Variants in CHD5 observed in about 807,000 individuals in gnomAD.
CHD5 encodes chromodomain helicase DNA binding protein 5, also known as ATP-dependent chromatin remodeler CHD5.
In CHD5, 69 loss-of-function variants were observed where a neutral mutation model predicts 230.3. The ratio of observed to expected loss-of-function variants is 0.30; its 90% CI spans 0.25 to 0.37. CHD5 has a LOEUF of 0.37. CHD5 is among the 10% of genes least tolerant of loss of function. CHD5 has a pLI of 1.00. For missense variants in CHD5, 1,827 were observed against 2,622.8 expected (o/e 0.70, Z 6.63); for synonymous variants, 1,064 against 1,065.9 (o/e 1.00, Z 0.03).
chr1:6,176,183 T>C (rs1304764952), intron 1 of CHD5, among the ~76,000 whole-genome samples: 3 of 152,140 alleles, frequency 2.0e-5, no homozygotes, highest in African/African-American at 7.2e-5. Context: ...TCAGGCTCCC[T>C]GGGACCCCCC....
rs778981543 is a variant in CHD5, at chr1:6,125,634, T to A, written c.4172-22A>T. On this transcript the variant is annotated intron_variant, in intron 27 of 41. Transcript: ENST00000262450. The surrounding 1 kb of genome is among the most constrained non-coding windows in gnomAD (Gnocchi z 6.7). ...CCACCTGGGGAGCAGCCCGCCACAG[T>A]TCCTCAGGTGGGAGCCCAGAGATTC... The A allele has an allele frequency of 1.8e-5, 29 of 1,612,818 alleles. No homozygotes were observed. Among genetic ancestry groups the A allele is most frequent in the Admixed American group, 3.3e-5 (2 of 59,872 alleles).
intron 1 of CHD5, among the ~76,000 whole-genome samples, chr1:6,174,136 G>A (rs1344061851): frequency 6.6e-6 from 1 of 151,878 alleles, no homozygotes; most frequent in Admixed American, 6.6e-5. Flanking sequence ...AACCTGGGGG[G>A]ACAGGGAGGG....
intron 11 of CHD5, 123 bp from the exon 12 acceptor site, chr1:6,144,278 C>G: frequency 7.3e-7 from 1 of 1,370,204 alleles, no homozygotes; most frequent in African/African-American, 1.4e-5. Context: ...CTGGGCCCAG[C>G]CAGGAGGAGG....
chr1:6,179,715 G>A (rs529195762), intron 1 of CHD5, among the ~76,000 whole-genome samples: 291 of 144,480 alleles, frequency 2.0e-3, no homozygotes, highest in African/African-American at 7.0e-3. Context: ...CGGGGGGCCC[G>A]GATCGCACCC....
rs138172929 is a variant in CHD5 at position 6,125,228 on chromosome 1, C to G, written c.4266G>C (p.Leu1422=). ...LARVGGNIEV[L]GFNARQRKAF... ...CCTTCCGCTGTCGGGCATTGAAGCCCAGCACCTGGGCGAGTGGAGCGTGGG... is the reference window on the plus strand; with the variant it reads ...CCTTCCGCTGTCGGGCATTGAAGCCGAGCACCTGGGCGAGTGGAGCGTGGG... The change falls in exon 29 of 42, where the codon CTG becomes CTC. Residue 1422 remains leucine (L), a synonymous_variant. Transcript: ENST00000262450. The surrounding 1 kb of genome is among the most constrained non-coding windows in gnomAD (Gnocchi z 6.7). The G allele has an allele frequency of 6.2e-7, 1 of 1,602,332 alleles. No homozygotes were observed. The highest frequency in any genetic ancestry group is 8.5e-7 in the Non-Finnish European group (1 of 1,178,656).
rs377324742 is a variant in CHD5 at position 6,134,802 on chromosome 1, G to A, written c.2928C>T (p.Gly976=). The change falls in exon 19 of 42, where the codon GGC becomes GGT. Residue 976 remains glycine, a synonymous_variant. Transcript: ENST00000262450. This position sits in a 1 kb window ranked among gnomAD's most constrained non-coding sequence, Gnocchi z 6.3. ...RNFEALNSKG[G]GNQVSLLNIM... ...TGTTGAGCAGCGATACTTGGTTCCC[G>A]CCCCCCTTGGAGTTCAGTGCCTCAA... The A allele has an allele frequency of 5.0e-6, 8 of 1,613,848 alleles. No homozygotes were observed. Among genetic ancestry groups the A allele is most frequent in the African/African-American group, 2.7e-5 (2 of 74,888 alleles).
rs1405985595 is a variant in CHD5 at position 6,105,211 on chromosome 1, G to A, written c.*263C>T. On this transcript the variant is annotated 3_prime_UTR_variant, in exon 42 of 42. Transcript: ENST00000262450. The surrounding 1 kb of genome is among the most constrained non-coding windows in gnomAD (Gnocchi z 4.8). ...GTCGTCTGGAAAAGGTGGCGAGGGG[G>A]CACGTCCGGCGTGGTTGTGGGGGCA... 2.9e-6 allele frequency: 1 copy of A among 347,586 alleles called. No individual in the cohort carries two copies. Among genetic ancestry groups the A allele is most frequent in the Non-Finnish European group, 5.9e-6 (1 of 170,230 alleles). 21.5% of individuals were successfully genotyped at this position (347,586 alleles called of 1,614,324 possible).
chr1:6,171,282 C>A (rs374316195), intron 1 of CHD5, among the ~76,000 whole-genome samples: 59 of 152,330 alleles, frequency 3.9e-4, no homozygotes, highest in African/African-American at 1.3e-3. Context: ...GAGGACAAGG[C>A]CCCAGACCCT....
intron 9 of CHD5, 151 bp downstream of exon 9, chr1:6,148,703 G>C: frequency 1.8e-6 from 1 of 563,272 alleles, no homozygotes; most frequent in Non-Finnish European, 2.9e-6. Flanking sequence ...GTCTCGAGCA[G>C]CGCGGGCGAA....
At chr1:6,110,579 T>G in intron 36 of CHD5, 53 bp from the exon 37 acceptor site, 11 of 1,528,732 alleles carry the variant, frequency 7.2e-6, no homozygotes, top group East Asian at 2.4e-5. Flanking sequence ...GGTGGGGCCG[T>G]AGGGGGAGGC....
At chr1:6,112,854 G>C in intron 34 of CHD5, 55 bp downstream of exon 34, 1 of 1,339,578 alleles carries the variant, frequency 7.5e-7, no homozygotes, top group Admixed American at 1.9e-5. Flanking sequence ...AGGGTCCAGA[G>C]GGCACCCTCA....
Position 6,125,369 on chromosome 1 carries a change from G to A in CHD5, c.4261-136C>T, listed in dbSNP as rs12090615. 5,815 of 1,201,308 alleles carry A rather than the reference G, an allele frequency of 4.8e-3. 192 individuals carry two copies. In the African/African-American group the frequency reaches 0.074, roughly 15 times the overall value. 74.4% of individuals were successfully genotyped at this position (1,201,308 alleles called of 1,614,324 possible). A position where few individuals can be genotyped will look rare whatever the true frequency, so the allele number is the denominator to read the frequency against. ...ACAGAGAAGGCAGGGGCCTCCACCT[G>A]GGGCAGGACCCTGACGGCGAAGACC... On this transcript the variant is annotated intron_variant, in intron 28 of 41. Coordinates refer to ENST00000262450, the MANE Select transcript of CHD5 (RefSeq NM_015557.3). The surrounding 1 kb of genome is among the most constrained non-coding windows in gnomAD (Gnocchi z 6.7).
In CHD5 at chr1:6,131,531, C is replaced by A; in HGVS notation, c.3262+100G>T. 1 of 702,256 alleles carries A rather than the reference C, an allele frequency of 1.4e-6. No homozygotes were observed. Among genetic ancestry groups the A allele is most frequent in the Admixed American group, 2.1e-5 (1 of 47,360 alleles). The allele number at this position is 702,256 out of a possible 1,614,324, so 43.5% of individuals were successfully genotyped here. A position where few individuals can be genotyped will look rare whatever the true frequency, so the allele number is the denominator to read the frequency against. On this transcript the variant is annotated intron_variant, in intron 21 of 41. Coordinates refer to ENST00000262450, the MANE Select transcript of CHD5 (RefSeq NM_015557.3). This position sits in a 1 kb window ranked among gnomAD's most constrained non-coding sequence, Gnocchi z 5.0. ...CTGTCTTTAGCTGTTTGTGAGGCTGCTCAACACAACACCAGCTGGGTGACC... is the reference window on the plus strand; with the variant it reads ...CTGTCTTTAGCTGTTTGTGAGGCTGATCAACACAACACCAGCTGGGTGACC...
In CHD5 at chr1:6,142,744, C is replaced by T. The variant is rs372880486; in HGVS notation, c.2044-139G>A. The T allele has an allele frequency of 2.4e-4, 240 of 980,974 alleles. 1 individual carries two copies. The African/African-American group carries it at 3.3e-3, about 14-fold the overall frequency. 60.8% of individuals were successfully genotyped at this position (980,974 alleles called of 1,614,324 possible). ...CTGTCTTCCTAACTCTTCTCCAGTT[C>T]TTGGATGGAACACCTCTTCCTCTAG... On this transcript the variant is annotated intron_variant, in intron 13 of 41. Transcript: ENST00000262450. This position sits in a 1 kb window ranked among gnomAD's most constrained non-coding sequence, Gnocchi z 5.2.
At position 6,121,378 on chromosome 1, in the gene CHD5, C is replaced by T. The variant is rs898026090; in HGVS notation, c.4779+116G>A. 9.3e-6 allele frequency: 14 copies of T among 1,500,584 alleles called. No homozygotes were observed. In the Admixed American group the frequency reaches 9.4e-5, roughly 10 times the overall value. 93.0% of individuals were successfully genotyped at this position (1,500,584 alleles called of 1,614,324 possible). A position where few individuals can be genotyped will look rare whatever the true frequency, so the allele number is the denominator to read the frequency against. On this transcript the variant is annotated intron_variant, in intron 32 of 41. Transcript: ENST00000262450. The surrounding 1 kb of genome is among the most constrained non-coding windows in gnomAD (Gnocchi z 4.5). ...CCTGCTCCCCGCCGATTCAGAGCCC[C>T]GAAAAGGGAGCCAGGAGGCCTGGGT...
chr1:6,159,359 C>T lies in CHD5; in HGVS notation c.364G>A (p.Asp122Asn). 6.4e-7 allele frequency: 1 copy of T among 1,551,536 alleles called. No homozygotes were observed. Among genetic ancestry groups the T allele is most frequent in the Non-Finnish European group, 8.7e-7 (1 of 1,146,796 alleles). ...KRKKKDEDED[D>N]NDDGCLKEPK... ...ACCTTTAAGCATCCATCATCATTAT[C>T]ATCCTCATCCTCATCCTTCTTTTTT... The change falls in exon 3 of 42, where the codon GAT becomes AAT. Residue 122 changes from aspartate (D) to asparagine (N), a missense_variant. This residue lies in a region of CHD5 where 657 missense variants were observed against 816.4 expected (regional missense o/e 0.80). Transcript: ENST00000262450.
At position 6,121,099 on chromosome 1, in the gene CHD5, C is replaced by A; in HGVS notation, c.4912+6G>T. 6.3e-7 allele frequency: 1 copy of A among 1,587,316 alleles called. No individual in the cohort carries two copies. The highest frequency in any genetic ancestry group is 8.6e-7 in the Non-Finnish European group (1 of 1,168,092). Reference sequence around the variant, plus strand: ...CTGGGGTGGGTGGCCTGCAAGAAGCCCCAACCTCTCGGCAGCTGCTCCGGG... The same window carrying A: ...CTGGGGTGGGTGGCCTGCAAGAAGCACCAACCTCTCGGCAGCTGCTCCGGG... On this transcript the variant is annotated splice_donor_region_variant and intron_variant, in intron 33 of 41. Transcript: ENST00000262450. The surrounding 1 kb of genome is among the most constrained non-coding windows in gnomAD (Gnocchi z 4.5).
chr1:6,135,771 G>A (rs1393769388), intron 17 of CHD5, among the ~76,000 whole-genome samples: 1 of 152,166 alleles, frequency 6.6e-6, no homozygotes, highest in Non-Finnish European at 1.5e-5. Flanking sequence ...AACACTTTGG[G>A]AGGCCGAGAC....
chr1:6,129,092 A>G lies in CHD5; in HGVS notation c.3388-23T>C, dbSNP rs758615512. Reference sequence around the variant, plus strand: ...GGCCTGGGGAGACCTGCACCTCAGCACCCGTGGCTCACCCAGGGCTCCAGG... The same window carrying G: ...GGCCTGGGGAGACCTGCACCTCAGCGCCCGTGGCTCACCCAGGGCTCCAGG... On this transcript the variant is annotated intron_variant, in intron 22 of 41. Coordinates refer to ENST00000262450, the MANE Select transcript of CHD5 (RefSeq NM_015557.3). The surrounding 1 kb of genome is among the most constrained non-coding windows in gnomAD (Gnocchi z 6.8). 2 of 1,561,850 alleles carry G rather than the reference A, an allele frequency of 1.3e-6. No homozygotes were observed. The highest frequency in any genetic ancestry group is 1.7e-6 in the Non-Finnish European group (2 of 1,144,026).
Sources: allele counts gnomAD v4.1 joint callset (sites outside exome capture counted in the v4.1 genomes callset), GRCh38; gene constraint gnomAD v4.1.1; regional missense constraint gnomAD v4.1.1; non-coding constraint Gnocchi (gnomAD v3.1); transcripts MANE v1.5; gene names NCBI Gene and HGNC (gene_info 2026-07-23, HGNC 2026-07-21).